Variants in IL1RAPL1 observed in about 807,000 individuals in gnomAD.
IL1RAPL1 encodes interleukin-1 receptor accessory protein-like 1.
In IL1RAPL1, 3 loss-of-function variants were observed where a neutral mutation model predicts 48.4. The ratio of observed to expected loss-of-function variants is 0.06; its 90% CI spans 0.03 to 0.16. The LOEUF (loss-of-function observed/expected upper bound fraction) is 0.16, where lower values mean the gene tolerates loss of function less well. IL1RAPL1 is among the 10% of genes least tolerant of loss of function. IL1RAPL1 has a pLI of 1.00. For missense variants in IL1RAPL1, 349 were observed against 530.6 expected, an observed-to-expected ratio of 0.66 and a Z score of 3.36; for synonymous variants, 185 against 187.7, an observed-to-expected ratio of 0.99 and a Z score of 0.12.
intron 2 of IL1RAPL1, among the ~76,000 whole-genome samples, chrX:28,838,384 A>G (rs2147290546): frequency 9.0e-6 from 1 of 111,384 alleles, no homozygotes; most frequent in Admixed American, 9.6e-5. Flanking sequence ...TATTTGAACA[A>G]CTTGAACAAA....
rs368350138 is a variant in IL1RAPL1, at chrX:28,932,704, CT to C, written c.82+143291del. 3.1e-3 allele frequency among the ~76,000 whole-genome samples: 315 copies of C among 100,060 alleles called. 1 individual carries two copies. In the South Asian group the frequency reaches 0.035, roughly 11 times the overall value. The allele number at this position is 100,060 out of a possible 115,157, so 86.9% of individuals were successfully genotyped here. A position where few individuals can be genotyped will look rare whatever the true frequency, so the allele number is the denominator to read the frequency against. On this transcript the variant is annotated intron_variant, in intron 2 of 10. Coordinates refer to ENST00000378993, the MANE Select transcript of IL1RAPL1 (RefSeq NM_014271.4). Reference sequence around the variant, plus strand: ...TATAGAGTATATAGCTGTCTTTACACTTTTTTTTTTTTACATTTTAGCTTAT... The same window carrying C: ...TATAGAGTATATAGCTGTCTTTACACTTTTTTTTTTTACATTTTAGCTTAT...
intron 5 of IL1RAPL1, among the ~76,000 whole-genome samples, chrX:29,471,753 C>A (rs142530535): frequency 1.8e-5 from 2 of 111,428 alleles, no homozygotes; most frequent in East Asian, 5.7e-4. Context: ...TACTTTCTGT[C>A]TCTATGAATT....
At chrX:29,252,898 G>A (rs1009676026) in intron 2 of IL1RAPL1, among the ~76,000 whole-genome samples, 6 of 110,814 alleles carry the variant, frequency 5.4e-5, no homozygotes, top group Non-Finnish European at 9.5e-5. Context: ...CTCTTACATT[G>A]GGATTATGGT....
chrX:28,813,741 G>A (rs185466161), intron 2 of IL1RAPL1, among the ~76,000 whole-genome samples: 2 of 110,878 alleles, frequency 1.8e-5, no homozygotes, highest in Admixed American at 1.9e-4. Flanking sequence ...GGATTGTAAT[G>A]TCTTCTTGGG....
rs1555924328 is a variant in IL1RAPL1, at chrX:28,792,816, AATATAT to A, written c.82+3421_82+3426del. Among the ~76,000 whole-genome samples, 3 of 10,108 alleles carry A rather than the reference AATATAT, an allele frequency of 3.0e-4. 1 individual carries two copies. Among genetic ancestry groups the A allele is most frequent in the African/African-American group, 6.8e-4 (2 of 2,950 alleles). The allele number at this position is 10,108 out of a possible 115,157, so 8.8% of individuals were successfully genotyped here. On this transcript the variant is annotated intron_variant, in intron 2 of 10. Transcript: ENST00000378993. ...AAAAAAAAAAAAAAAAAAAAAAAAA[AATATAT>A]ATATATATATATATATATATATATA...
rs139241355 is a variant in IL1RAPL1, at chrX:29,464,412, C to T, written c.703+65104C>T. Among the ~76,000 whole-genome samples, 103 of 111,666 alleles carry T rather than the reference C, an allele frequency of 9.2e-4. 1 individual carries two copies. The East Asian group carries it at 0.026, about 28-fold the overall frequency. On this transcript the variant is annotated intron_variant, in intron 5 of 10. Transcript: ENST00000378993. ...ATGGGATGTCACTGGAAAGATAAGA[C>T]ATAAAGTGTTATTTTAGTAATAACC... is the stretch of plus-strand genomic sequence containing the variant.
chrX:29,424,406 C>CAG (rs1934326392), intron 5 of IL1RAPL1, among the ~76,000 whole-genome samples: 7 of 110,594 alleles, frequency 6.3e-5, no homozygotes, highest in Non-Finnish European at 1.1e-4. Context: ...ATCCTAAAGC[C>CAG]AGTATAGTCT....
At chrX:29,412,294 G>T (rs1934154395) in intron 5 of IL1RAPL1, among the ~76,000 whole-genome samples, 1 of 90,454 alleles carries the variant, frequency 1.1e-5, no homozygotes, top group Non-Finnish European at 2.4e-5. Context: ...AAAAATTCTT[G>T]TTTTAGTTAG....
chrX:29,654,288 G>A (rs1429051340), intron 5 of IL1RAPL1, among the ~76,000 whole-genome samples: 4 of 111,210 alleles, frequency 3.6e-5, no homozygotes, highest in Non-Finnish European at 5.7e-5. Context: ...ATTGACAGAG[G>A]TCAAGAAAGT....
chrX:29,055,522 G>C (rs1207157242), intron 2 of IL1RAPL1, among the ~76,000 whole-genome samples: 2 of 111,698 alleles, frequency 1.8e-5, no homozygotes, highest in Non-Finnish European at 3.8e-5. Flanking sequence ...GATGGGTACT[G>C]ACATTCTCTC....
intron 1 of IL1RAPL1, among the ~76,000 whole-genome samples, chrX:28,621,295 T>C (rs930881487): frequency 1.8e-5 from 2 of 112,354 alleles, no homozygotes; most frequent in Middle Eastern, 9.3e-3. Flanking sequence ...AATTGCTGAA[T>C]GAATGATTGA....
chrX:29,116,205 G>T (rs974553183), intron 2 of IL1RAPL1, among the ~76,000 whole-genome samples: 6 of 111,008 alleles, frequency 5.4e-5, no homozygotes, highest in African/African-American at 2.0e-4. Flanking sequence ...GGTAAGAATT[G>T]ATACTTTGTC....
intron 2 of IL1RAPL1, among the ~76,000 whole-genome samples, chrX:29,191,488 C>A (rs1018439774): frequency 1.8e-5 from 2 of 111,530 alleles, no homozygotes; most frequent in Non-Finnish European, 3.8e-5. Context: ...CATTTCCCCC[C>A]ACCTCCCCAT....
In IL1RAPL1 at chrX:28,709,369, C is replaced by T. The variant is rs139105414; in HGVS notation, c.-24-79951C>T. Among the ~76,000 whole-genome samples, 444 of 111,515 alleles carry T rather than the reference C, an allele frequency of 4.0e-3. 2 individuals are homozygous for T. The highest frequency in any genetic ancestry group is 5.4e-3 in the Non-Finnish European group (287 of 53,063). ...ACTATTTTACAAATGAGGAAAATGC[C>T]GGGGGTGGGGCATAGAAAGCTTAGT... On this transcript the variant is annotated intron_variant, in intron 1 of 10. Transcript: ENST00000378993.
intron 5 of IL1RAPL1, among the ~76,000 whole-genome samples, chrX:29,569,349 T>TTGCC (rs1569340937): frequency 9.0e-5 from 10 of 111,068 alleles, no homozygotes; most frequent in Non-Finnish European, 1.7e-4. Flanking sequence ...GGCTCCAATC[T>TTGCC]CAGAGAGCCT....
At position 29,104,193 on chromosome X, in the gene IL1RAPL1, C is replaced by G. The variant is rs950033383; in HGVS notation, c.83-178745C>G. Among the ~76,000 whole-genome samples, 4 of 112,277 alleles carry G rather than the reference C, an allele frequency of 3.6e-5. No individual in the cohort carries two copies. The Admixed American group carries it at 3.8e-4, about 11-fold the overall frequency. ...ACTCTCGTGTTTGATTACTGCACTA[C>G]TCACAATGGCAAAGATTTGGAAGCA... On this transcript the variant is annotated intron_variant, in intron 2 of 10. Coordinates refer to ENST00000378993, the MANE Select transcript of IL1RAPL1 (RefSeq NM_014271.4).
chrX:28,815,614 C>G (rs1027095214), intron 2 of IL1RAPL1, among the ~76,000 whole-genome samples: 3 of 104,044 alleles, frequency 2.9e-5, no homozygotes, highest in Admixed American at 2.1e-4. Flanking sequence ...CCCCTCTTAC[C>G]CCACCCTGCT....
intron 2 of IL1RAPL1, among the ~76,000 whole-genome samples, chrX:28,833,918 T>C (rs1921136818): frequency 8.9e-6 from 1 of 111,987 alleles, no homozygotes; most frequent in Admixed American, 9.4e-5. Context: ...ATTTTATAAT[T>C]TTAATAATGC....
At chrX:28,851,712 C>T (rs985449275) in intron 2 of IL1RAPL1, among the ~76,000 whole-genome samples, 2 of 111,527 alleles carry the variant, frequency 1.8e-5, no homozygotes, top group Non-Finnish European at 3.8e-5. Flanking sequence ...AGTAGAGGTT[C>T]TTAAAAGGCC....
Sources: allele counts gnomAD v4.1 joint callset (sites outside exome capture counted in the v4.1 genomes callset), GRCh38; gene constraint gnomAD v4.1.1; transcripts MANE v1.5; gene names NCBI Gene and HGNC (gene_info 2026-07-23, HGNC 2026-07-21).